Variants in MTNAP1 observed in about 807,000 individuals in gnomAD.
The protein encoded by MTNAP1 is mitochondrial nucleoid-associated protein 1.
At chr17:73,246,406 C>T in the MTNAP1 span, among the ~76,000 whole-genome samples, 1 of 152,160 alleles carries the variant, frequency 6.6e-6, no homozygotes, top group Non-Finnish European at 1.5e-5. Context: ...CTCAGTGGCA[C>T]ACGCCTGTAG....
the MTNAP1 span, chr17:73,236,637 A>G: frequency 3.1e-6 from 5 of 1,614,078 alleles, no homozygotes; most frequent in African/African-American, 6.7e-5. Flanking sequence ...CATTTCTTCA[A>G]GAAAAGAAAG....
At chr17:73,241,220 C>CGG in the MTNAP1 span, among the ~76,000 whole-genome samples, 1 of 152,102 alleles carries the variant, frequency 6.6e-6, no homozygotes, top group Non-Finnish European at 1.5e-5. Context: ...TGCAGTGTAG[C>CGG]GATCTCTGCT....
the MTNAP1 span, among the ~76,000 whole-genome samples, chr17:73,238,671 T>C: frequency 4.7e-4 from 71 of 152,310 alleles, no homozygotes; most frequent in African/African-American, 1.6e-3. Context: ...TCAGAGTGCC[T>C]CCATCTGTAT....
the MTNAP1 span, chr17:73,235,610 A>G: frequency 6.2e-7 from 1 of 1,614,220 alleles, no homozygotes; most frequent in Non-Finnish European, 8.5e-7. Context: ...AAAGTTTATC[A>G]GTCCAAGCCA....
the MTNAP1 span, chr17:73,244,807 A>G: frequency 2.1e-4 from 38 of 179,538 alleles, no homozygotes; most frequent in African/African-American, 9.0e-4. Flanking sequence ...AGGCGGCAGC[A>G]CTCCTGCATG....
chr17:73,233,798 G>T, the MTNAP1 span, among the ~76,000 whole-genome samples: 1 of 152,220 alleles, frequency 6.6e-6, no homozygotes, highest in South Asian at 2.1e-4. Context: ...GTTTGAACCT[G>T]GGAGGCTGAG....
At chr17:73,248,495 T>C in the MTNAP1 span, 1 of 1,551,684 alleles carries the variant, frequency 6.4e-7, no homozygotes, top group Non-Finnish European at 8.7e-7. Flanking sequence ...AAGCAACGCT[T>C]AGATCTTGCT....
At chr17:73,232,512 G>C in the MTNAP1 span, 1 of 477,798 alleles carries the variant, frequency 2.1e-6, no homozygotes, top group African/African-American at 2.0e-5. Flanking sequence ...AGTCAAGCCA[G>C]GTTTCAAATA....
At chr17:73,236,096 A>T in the MTNAP1 span, 1 of 1,614,206 alleles carries the variant, frequency 6.2e-7, no homozygotes. Context: ...GGTGATCTCA[A>T]ATTGGACAAA....
chr17:73,236,583 T>C, the MTNAP1 span: 1 of 1,614,250 alleles, frequency 6.2e-7, no homozygotes, highest in Non-Finnish European at 8.5e-7. Flanking sequence ...AGTTTCATTC[T>C]GTATCGCAGT....
chr17:73,248,798 G>T, the MTNAP1 span: 1 of 403,442 alleles, frequency 2.5e-6, no homozygotes. Flanking sequence ...GAAAGACTGA[G>T]TTTACTTGGG....
At chr17:73,242,240 A>G in the MTNAP1 span, 1 of 1,568,708 alleles carries the variant, frequency 6.4e-7, no homozygotes. Context: ...GTTTGGAACC[A>G]TAGTTTCTTT....
At chr17:73,234,124 C>G in the MTNAP1 span, among the ~76,000 whole-genome samples, 2 of 151,978 alleles carry the variant, frequency 1.3e-5, no homozygotes, top group South Asian at 2.1e-4. Flanking sequence ...ATTAAGTGAA[C>G]AAATATTGTA....
chr17:73,233,354 G>A, the MTNAP1 span: 6 of 152,340 alleles, frequency 3.9e-5, no homozygotes, highest in African/African-American at 1.2e-4. Context: ...ACGTATAGAC[G>A]TTATCGTGGG....
At chr17:73,245,630 A>G in the MTNAP1 span, 1 of 985,428 alleles carries the variant, frequency 1.0e-6, no homozygotes, top group Non-Finnish European at 1.2e-6. Flanking sequence ...AAATAAGCCC[A>G]CATCAGGCCC....
the MTNAP1 span, among the ~76,000 whole-genome samples, chr17:73,234,681 CAA>C: frequency 1.6e-4 from 16 of 97,990 alleles, no homozygotes; most frequent in Non-Finnish European, 1.6e-4. Context: ...GACTCTGTCT[CAA>C]AAAAAAAAAA....
chr17:73,235,556 T>TG, the MTNAP1 span: 4 of 1,614,120 alleles, frequency 2.5e-6, no homozygotes, highest in Non-Finnish European at 3.4e-6. Flanking sequence ...AAATCCCACT[T>TG]GCCATACTGT....
the MTNAP1 span, chr17:73,248,373 T>C: frequency 5.5e-6 from 5 of 903,238 alleles, no homozygotes; most frequent in Middle Eastern, 2.2e-4. Flanking sequence ...TAACATGATT[T>C]ACCATTTTAA....
chr17:73,237,312 TG>T, the MTNAP1 span, among the ~76,000 whole-genome samples: 1 of 152,134 alleles, frequency 6.6e-6, no homozygotes, highest in Admixed American at 6.5e-5. Context: ...GTGGCGCACC[TG>T]TAGTCCCAGC....
Sources: allele counts gnomAD v4.1 joint callset (sites outside exome capture counted in the v4.1 genomes callset), GRCh38; gene constraint gnomAD v4.1.1; transcripts MANE v1.5; gene names NCBI Gene and HGNC (gene_info 2026-07-23, HGNC 2026-07-21).